NOS1AP: variants seen among roughly 807,000 people sequenced by gnomAD.
NOS1AP encodes carboxyl-terminal PDZ ligand of neuronal nitric oxide synthase protein.
NOS1AP carries 21 observed loss-of-function variants against 56.2 expected under a neutral mutation model. That is an observed-to-expected ratio of 0.37 (90% CI 0.26 to 0.54). The LOEUF (loss-of-function observed/expected upper bound fraction) is 0.54, where lower values mean the gene tolerates loss of function less well. Ranked by LOEUF, NOS1AP falls within the 20% of genes least tolerant of loss-of-function variation. The probability of loss-of-function intolerance (pLI) is 0.84; values close to 1 mark genes in which losing one functional copy is unlikely to be tolerated. For synonymous variants in NOS1AP, 270 were observed against 274.6 expected, an observed-to-expected ratio of 0.98 and a Z score of 0.17; for missense variants, 522 against 657.8, an observed-to-expected ratio of 0.79 and a Z score of 2.26.
intron 2 of NOS1AP, among the ~76,000 whole-genome samples, chr1:162,174,565 T>C (rs1321885351): frequency 1.3e-5 from 2 of 152,092 alleles, no homozygotes; most frequent in East Asian, 3.9e-4. Context: ...GTAATAATAA[T>C]ATAATAAAAA....
At chr1:162,192,884 T>C (rs1313667796) in intron 2 of NOS1AP, among the ~76,000 whole-genome samples, 1 of 152,092 alleles carries the variant, frequency 6.6e-6, no homozygotes, top group Non-Finnish European at 1.5e-5. Flanking sequence ...CCTTCCTTTA[T>C]AGAGACTATG....
intron 3 of NOS1AP, among the ~76,000 whole-genome samples, chr1:162,294,035 A>C (rs1209879175): frequency 6.6e-6 from 1 of 152,160 alleles, no homozygotes; most frequent in Non-Finnish European, 1.5e-5. Flanking sequence ...AGGTCCTGTG[A>C]GAAGCAGATG....
rs1347066887 is a variant in NOS1AP, at chr1:162,216,413, TTTG to T, written c.177+61938_177+61940del. The stretch of plus-strand genomic sequence containing the variant: ...CTGTTGTGGGGACATTAATGACACC[TTTG>T]AAAGTGGTTTTATCAGTGCCTAGAC... On this transcript the variant is annotated intron_variant, in intron 2 of 9. Coordinates refer to ENST00000361897, the MANE Select transcript of NOS1AP (RefSeq NM_014697.3). 6.6e-5 allele frequency among the ~76,000 whole-genome samples: 10 copies of T among 152,354 alleles called. No homozygotes were observed. In the East Asian group the frequency reaches 1.9e-3, roughly 29 times the overall value.
intron 3 of NOS1AP, among the ~76,000 whole-genome samples, chr1:162,300,378 G>T (rs540929452): frequency 6.6e-6 from 1 of 152,088 alleles, no homozygotes; most frequent in Non-Finnish European, 1.5e-5. Context: ...ACTTCACCCC[G>T]AGTTCCCTAA....
intron 1 of NOS1AP, among the ~76,000 whole-genome samples, 165 bp from the exon 2 acceptor site, chr1:162,154,240 T>C (rs932849985): frequency 3.3e-5 from 5 of 152,194 alleles, no homozygotes; most frequent in African/African-American, 1.2e-4. Context: ...GTTAACTTGC[T>C]TTTTATAAAG....
intron 2 of NOS1AP, among the ~76,000 whole-genome samples, chr1:162,201,886 T>A (rs868809091): frequency 6.6e-6 from 1 of 152,234 alleles, no homozygotes; most frequent in East Asian, 1.9e-4. Context: ...AAATTTCCTC[T>A]CATTCTATAG....
chr1:162,177,364 G>A (rs955433772), intron 2 of NOS1AP, among the ~76,000 whole-genome samples: 5 of 152,252 alleles, frequency 3.3e-5, no homozygotes, highest in African/African-American at 9.6e-5. Context: ...AGAGTGATTC[G>A]TCCTGTGTGA....
At chr1:162,330,229 C>G (rs918983869) in intron 4 of NOS1AP, among the ~76,000 whole-genome samples, 2 of 152,194 alleles carry the variant, frequency 1.3e-5, no homozygotes, top group African/African-American at 4.8e-5. Flanking sequence ...AATAGCCAGG[C>G]AGATCACATT....
At chr1:162,093,892 C>T (rs753592030) in intron 1 of NOS1AP, among the ~76,000 whole-genome samples, 1 of 152,140 alleles carries the variant, frequency 6.6e-6, no homozygotes, top group Non-Finnish European at 1.5e-5. Context: ...CAGTACAAAG[C>T]AGTTAGTCAA....
At chr1:162,088,569 A>G (rs577439922) in intron 1 of NOS1AP, among the ~76,000 whole-genome samples, 1 of 152,284 alleles carries the variant, frequency 6.6e-6, no homozygotes, top group Admixed American at 6.5e-5. Context: ...GAAAAGAGTT[A>G]CTGGATATAC....
chr1:162,353,726 A>T (rs549495078), intron 6 of NOS1AP, among the ~76,000 whole-genome samples: 1 of 152,186 alleles, frequency 6.6e-6, no homozygotes, highest in Admixed American at 6.5e-5. Context: ...CTGATCACTG[A>T]TAGAAATTTC....
At chr1:162,106,427 G>T (rs781266561) in intron 1 of NOS1AP, among the ~76,000 whole-genome samples, 2 of 152,072 alleles carry the variant, frequency 1.3e-5, no homozygotes, top group Non-Finnish European at 2.9e-5. Context: ...TCGACCCAAT[G>T]GTGTCTTTTA....
intron 8 of NOS1AP, chr1:162,364,931 G>T (rs1351363574): frequency 9.8e-7 from 1 of 1,022,508 alleles, no homozygotes; most frequent in African/African-American, 1.7e-5. Context: ...TAGCCAGTGG[G>T]TCAATAGATG....
intron 1 of NOS1AP, among the ~76,000 whole-genome samples, chr1:162,078,690 T>A (rs1691825734): frequency 6.6e-6 from 1 of 152,180 alleles, no homozygotes; most frequent in Non-Finnish European, 1.5e-5. Flanking sequence ...ACATGAAAAG[T>A]TTCTGTACCT....
At chr1:162,363,951 A>G in intron 8 of NOS1AP, 3 of 985,390 alleles carry the variant, frequency 3.0e-6, no homozygotes, top group Non-Finnish European at 3.6e-6. Context: ...GTCAACGGCA[A>G]GGTCAGGGCC....
intron 1 of NOS1AP, among the ~76,000 whole-genome samples, chr1:162,119,243 G>A (rs2102049628): frequency 6.6e-6 from 1 of 152,236 alleles, no homozygotes; most frequent in African/African-American, 2.4e-5. Context: ...CAAGAGCTCT[G>A]GAGAAAGTCT....
At chr1:162,239,686 G>C (rs184520404) in intron 2 of NOS1AP, among the ~76,000 whole-genome samples, 65 of 152,272 alleles carry the variant, frequency 4.3e-4, no homozygotes, top group African/African-American at 1.4e-3. Flanking sequence ...GTACCTGGAG[G>C]AGTCACATAT....
At chr1:162,294,654 G>A (rs184215790) in intron 3 of NOS1AP, among the ~76,000 whole-genome samples, 157 of 152,234 alleles carry the variant, frequency 1.0e-3, no homozygotes, top group African/African-American at 3.5e-3. Flanking sequence ...AGAGAAGAGG[G>A]GAAGGGAGGA....
In NOS1AP at chr1:162,241,604, A is replaced by G. The variant is rs1249173955; in HGVS notation, c.178-45740A>G. On this transcript the variant is annotated intron_variant, in intron 2 of 9. Transcript: ENST00000361897. Reference sequence around the variant, plus strand: ...TTTACAGATGAAAATGAGGCTGGGAAGGATTAAGTAACTTGACCTGGGCTA... The same window carrying G: ...TTTACAGATGAAAATGAGGCTGGGAGGGATTAAGTAACTTGACCTGGGCTA... 3.3e-5 allele frequency among the ~76,000 whole-genome samples: 5 copies of G among 152,180 alleles called. No individual in the cohort carries two copies. In the East Asian group the frequency reaches 5.8e-4, roughly 18 times the overall value.
Sources: gnomAD v4.1 joint callset for allele counts (sites outside exome capture counted in the v4.1 genomes callset) on GRCh38, gnomAD v4.1.1 for gene constraint, MANE v1.5 for transcripts, NCBI Gene and HGNC (gene_info 2026-07-23, HGNC 2026-07-21) for gene names.